PLAC1: variants seen among roughly 807,000 people sequenced by gnomAD.
PLAC1 encodes placenta-specific protein 1.
For missense variants in PLAC1, 136 were observed against 163.2 expected, an observed-to-expected ratio of 0.83 and a Z score of 0.91; for synonymous variants, 68 against 62.1, an observed-to-expected ratio of 1.09 and a Z score of -0.44.
intron 1 of PLAC1, among the ~76,000 whole-genome samples, chrX:134,602,717 A>G (rs896859831): frequency 6.3e-5 from 7 of 111,136 alleles, no homozygotes; most frequent in African/African-American, 2.3e-4. Flanking sequence ...TCAGTATCAA[A>G]GGGTTATATA....
At chrX:134,678,020 C>T (rs1401595449) in intron 2 of PLAC1, among the ~76,000 whole-genome samples, 4 of 111,388 alleles carry the variant, frequency 3.6e-5, no homozygotes, top group South Asian at 7.6e-4. Context: ...GGAATGACTC[C>T]TTGAGCAAGG....
At chrX:134,590,711 G>A (rs757699121) in intron 2 of PLAC1, among the ~76,000 whole-genome samples, 18 of 110,949 alleles carry the variant, frequency 1.6e-4, no homozygotes, top group Non-Finnish European at 2.6e-4. Flanking sequence ...AGGTTGAAGC[G>A]ATTTTCCCAC....
chrX:134,621,241 T>A (rs773336662), intron 1 of PLAC1, among the ~76,000 whole-genome samples: 1 of 107,596 alleles, frequency 9.3e-6, no homozygotes, highest in African/African-American at 3.4e-5. Flanking sequence ...AGGTCTGGAG[T>A]TCAAGACCAG....
chrX:134,744,055 G>A (rs909344491), intron 1 of PLAC1, among the ~76,000 whole-genome samples: 1 of 111,582 alleles, frequency 9.0e-6, no homozygotes, highest in East Asian at 2.8e-4. Context: ...AGGCCGAGGC[G>A]GGTGGATCAC....
chrX:134,661,355 C>T (rs898234246), upstream of PLAC1, among the ~76,000 whole-genome samples: 4 of 111,850 alleles, frequency 3.6e-5, no homozygotes, highest in Admixed American at 1.9e-4. Context: ...AGCACACTGG[C>T]GGGCAGTTGG....
intron 2 of PLAC1, among the ~76,000 whole-genome samples, chrX:134,702,584 C>T (rs1325513288): frequency 9.0e-6 from 1 of 111,634 alleles, no homozygotes; most frequent in Non-Finnish European, 1.9e-5. Context: ...ACAATGGACA[C>T]TGCAGACTAC....
intron 1 of PLAC1, among the ~76,000 whole-genome samples, chrX:134,621,661 A>G (rs151024047): frequency 9.1e-6 from 1 of 110,174 alleles, no homozygotes; most frequent in African/African-American, 3.3e-5. Context: ...GCCCTTTTCT[A>G]TTTTGCAAGT....
At chrX:134,604,708 C>T (rs973102143) in intron 1 of PLAC1, 4 of 111,801 alleles carry the variant, frequency 3.6e-5, no homozygotes, top group African/African-American at 1.3e-4. Context: ...GTTTTGCCAA[C>T]CATTTCCTCC....
chrX:134,679,472 A>G (rs1471232899), intron 2 of PLAC1, among the ~76,000 whole-genome samples: 1 of 111,114 alleles, frequency 9.0e-6, no homozygotes, highest in Non-Finnish European at 1.9e-5. Flanking sequence ...TGCTGCTCCT[A>G]TTCAGCTGTG....
intron 1 of PLAC1, among the ~76,000 whole-genome samples, chrX:134,762,703 C>T (rs1000552365): frequency 9.4e-5 from 10 of 106,464 alleles, no homozygotes; most frequent in Non-Finnish European, 1.5e-4. Flanking sequence ...TGGCGGGCGC[C>T]TATAATCCCA....
intron 1 of PLAC1, among the ~76,000 whole-genome samples, chrX:134,642,856 C>T (rs767664009): frequency 8.3e-5 from 9 of 108,174 alleles, no homozygotes; most frequent in African/African-American, 2.7e-4. Flanking sequence ...TTGCTAAAAA[C>T]GAAACAAAAC....
At chrX:134,719,080 G>A (rs1479518449) in intron 2 of PLAC1, among the ~76,000 whole-genome samples, 1 of 112,214 alleles carries the variant, frequency 8.9e-6, no homozygotes, top group Admixed American at 9.5e-5. Context: ...GTGGTTGCCA[G>A]GGGGAGGGGA....
chrX:134,659,131 C>T (rs1602886139), upstream of PLAC1, among the ~76,000 whole-genome samples: 1 of 109,425 alleles, frequency 9.1e-6, no homozygotes, highest in East Asian at 2.9e-4. Flanking sequence ...ATGGGTTGAT[C>T]GATGCAGCAA....
intron 2 of PLAC1, among the ~76,000 whole-genome samples, chrX:134,596,295 T>C (rs753189621): frequency 8.9e-6 from 1 of 112,430 alleles, no homozygotes; most frequent in African/African-American, 3.2e-5. Flanking sequence ...TTGCTTATTG[T>C]ATTATTTCTT....
chrX:134,705,061 AAT>A (rs1335564233), intron 2 of PLAC1, among the ~76,000 whole-genome samples: 2 of 101,382 alleles, frequency 2.0e-5, no homozygotes, highest in African/African-American at 3.7e-5. Flanking sequence ...ATAAATATAT[AAT>A]ATATATATAT....
chrX:134,653,076 T>A (rs2078371899), intron 1 of PLAC1, among the ~76,000 whole-genome samples: 1 of 112,631 alleles, frequency 8.9e-6, no homozygotes, highest in Non-Finnish European at 1.9e-5. Context: ...ACTGTGGTGA[T>A]GGCTTCCCGA....
At chrX:134,685,031 A>C (rs2147818068) in intron 2 of PLAC1, among the ~76,000 whole-genome samples, 1 of 112,285 alleles carries the variant, frequency 8.9e-6, no homozygotes, top group East Asian at 2.8e-4. Flanking sequence ...TGGGAGACTG[A>C]CTAGCTGCTC....
At chrX:134,570,026 C>G (rs929391444) in intron 2 of PLAC1, among the ~76,000 whole-genome samples, 5 of 110,881 alleles carry the variant, frequency 4.5e-5, no homozygotes, top group African/African-American at 1.6e-4. Flanking sequence ...GATAGGGTTT[C>G]ACCATGTTGG....
At chrX:134,649,563 GACTAT>G (rs2078352166) in intron 1 of PLAC1, among the ~76,000 whole-genome samples, 1 of 110,908 alleles carries the variant, frequency 9.0e-6, no homozygotes, top group East Asian at 2.8e-4. Context: ...GCACGCCACT[GACTAT>G]ACTATAATGT....
Sources: allele counts gnomAD v4.1 joint callset (sites outside exome capture counted in the v4.1 genomes callset), GRCh38; gene constraint gnomAD v4.1.1; transcripts MANE v1.5; gene names NCBI Gene and HGNC (gene_info 2026-07-23, HGNC 2026-07-21).